Variants in C1orf35 observed in about 807,000 individuals in gnomAD.
C1orf35 encodes the protein chromosome 1 open reading frame 35.
C1orf35 carries 36 observed loss-of-function variants against 30.9 expected under a neutral mutation model. That is an observed-to-expected ratio of 1.16 (90% CI 0.89 to 1.54). C1orf35 has a LOEUF of 1.54. C1orf35 is among the 40% of genes most tolerant of loss of function. C1orf35 has a pLI of 0.00. For missense variants in C1orf35, 396 were observed against 358.7 expected, an observed-to-expected ratio of 1.10 and a Z score of -0.84; for synonymous variants, 179 against 148.2, an observed-to-expected ratio of 1.21 and a Z score of -1.51.
In C1orf35 at chr1:228,102,145, G is replaced by A. The variant is rs758352158; in HGVS notation, c.468C>T (p.Gly156=). Residue 156 remains glycine, a synonymous_variant, in exon 6 of 8, where the codon GGC becomes GGT. Transcript: ENST00000272139. ...SVFTHHRVES[G]GPGTSAASAR... is the part of the protein sequence containing the mutation. The stretch of plus-strand genomic sequence containing the variant: ...CCGAGGCTGCCGAGGTCCCGGGCCC[G>A]CCGCTCTCTACGCGGTGATGCTGCG... The A allele has an allele frequency of 5.7e-6, 9 of 1,584,432 alleles. No homozygotes were observed. The highest frequency in any genetic ancestry group is 2.2e-4 in the Middle Eastern group (1 of 4,594).
chr1:228,101,528 T>A (rs192475762), intron 6 of C1orf35, 55 bp from the exon 7 acceptor site: 5 of 1,600,288 alleles, frequency 3.1e-6, no homozygotes, highest in Non-Finnish European at 8.5e-7. Flanking sequence ...GCCAAGAGAG[T>A]GAACACAAGC....
Position 228,102,039 on chromosome 1 carries a change from C to T in C1orf35, c.533+41G>A. On this transcript the variant is annotated intron_variant, in intron 6 of 7. Transcript: ENST00000272139. ...AGCCGCTCCGGTCCTCCCGAGACCC[C>T]CCACCCCGGGGCACAGCTAGCCCAG... 4.7e-6 allele frequency: 7 copies of T among 1,494,158 alleles called. No individual in the cohort carries two copies. In the South Asian group the frequency reaches 9.0e-5, roughly 19 times the overall value. The allele number at this position is 1,494,158 out of a possible 1,614,324, so 92.6% of individuals were successfully genotyped here.
rs955445962 is a variant in C1orf35 at position 228,102,513 on chromosome 1, C to T, written c.339G>A (p.Lys113=). The stretch of plus-strand genomic sequence containing the variant: ...CCAGCCCCAGCAGCCGGTCCACGCC[C>T]TTCTCCTCGGGGTCGCCTCCTTCCC... ...CKREGGDPEE[K]GVDRLLGLGS... Residue 113 remains lysine (K), a synonymous_variant, in exon 4 of 8, where the codon AAG becomes AAA. Coordinates refer to ENST00000272139, the MANE Select transcript of C1orf35 (RefSeq NM_024319.4). The T allele has an allele frequency of 1.9e-6, 3 of 1,558,638 alleles. No homozygotes were observed. Among genetic ancestry groups the T allele is most frequent in the East Asian group, 2.4e-5 (1 of 41,674 alleles).
In C1orf35 at chr1:228,100,996, A is replaced by G; in HGVS notation, c.*135T>C. 2 of 1,321,144 alleles carry G rather than the reference A, an allele frequency of 1.5e-6. No individual in the cohort carries two copies. Among genetic ancestry groups the G allele is most frequent in the Non-Finnish European group, 2.1e-6 (2 of 962,952 alleles). The allele number at this position is 1,321,144 out of a possible 1,614,324, so 81.8% of individuals were successfully genotyped here. A position where few individuals can be genotyped will look rare whatever the true frequency, so the allele number is the denominator to read the frequency against. ...CTAGCTGTCAAGTCTTTAGCCCCAC[A>G]GGCTGGTGCCCAGAGCCACTTCCAC... On this transcript the variant is annotated 3_prime_UTR_variant, in exon 8 of 8. Coordinates refer to ENST00000272139, the MANE Select transcript of C1orf35 (RefSeq NM_024319.4).
chr1:228,102,177 G>A lies in C1orf35; in HGVS notation c.448-12C>T. 6.4e-7 allele frequency: 1 copy of A among 1,574,734 alleles called. No individual in the cohort carries two copies. The highest frequency in any genetic ancestry group is 1.3e-5 in the African/African-American group (1 of 74,544). On this transcript the variant is annotated splice_polypyrimidine_tract_variant and intron_variant, in intron 5 of 7. Coordinates refer to ENST00000272139, the MANE Select transcript of C1orf35 (RefSeq NM_024319.4). ...TCTACGCGGTGATGCTGCGGGAGAA[G>A]CGAGCTCTGCGGAGGAGTCTGCGGG...
chr1:228,102,914 G>T lies in C1orf35; in HGVS notation c.230C>A (p.Ala77Glu). 1 of 1,487,064 alleles carries T rather than the reference G, an allele frequency of 6.7e-7. No individual in the cohort carries two copies. Among genetic ancestry groups the T allele is most frequent in the Non-Finnish European group, 8.9e-7 (1 of 1,125,580 alleles). The allele number at this position is 1,487,064 out of a possible 1,614,324, so 92.1% of individuals were successfully genotyped here. The change falls in exon 2 of 8, where the codon GCG becomes GAG. Residue 77 changes from alanine (A) to glutamate (E), a missense_variant. Ala to Glu is a moderately radical substitution (Grantham distance 107). Coordinates refer to ENST00000272139, the MANE Select transcript of C1orf35 (RefSeq NM_024319.4). ...LAAVREAERE[A>E]LLAALGYKNV... ...GGACACTCACAGGGCGGCCAGCAGC[G>T]CCTCGCGCTCCGCCTCCCGCACGGC...
At position 228,102,630 on chromosome 1, in the gene C1orf35, C is replaced by T. The variant is rs772251124; in HGVS notation, c.291+13G>A. On this transcript the variant is annotated intron_variant, in intron 3 of 7. Coordinates refer to ENST00000272139, the MANE Select transcript of C1orf35 (RefSeq NM_024319.4). Reference sequence around the variant, plus strand: ...CCACGGCCCTCCACGCGCCCCCCACCCCGGGGAGTTACCTCCTTGCTCAGG... The same window carrying T: ...CCACGGCCCTCCACGCGCCCCCCACTCCGGGGAGTTACCTCCTTGCTCAGG... 11 of 1,600,540 alleles carry T rather than the reference C, an allele frequency of 6.9e-6. No homozygotes were observed. The highest frequency in any genetic ancestry group is 9.4e-6 in the Non-Finnish European group (11 of 1,175,526).
In C1orf35 at chr1:228,103,287, G is replaced by T. The variant is rs571684864; in HGVS notation, c.-60C>A. 5 of 1,578,190 alleles carry T rather than the reference G, an allele frequency of 3.2e-6. No individual in the cohort carries two copies. The highest frequency in any genetic ancestry group is 4.3e-6 in the Non-Finnish European group (5 of 1,163,090). ...TTGCAACCTGCAACCCGCAACCCGAGACCCGCTACCCACTACCGTCGGACC... is the reference window on the plus strand; with the variant it reads ...TTGCAACCTGCAACCCGCAACCCGATACCCGCTACCCACTACCGTCGGACC... On this transcript the variant is annotated 5_prime_UTR_variant, in exon 1 of 8. Coordinates refer to ENST00000272139, the MANE Select transcript of C1orf35 (RefSeq NM_024319.4).
intron 7 of C1orf35, 39 bp from the exon 8 acceptor site, chr1:228,101,293 C>T (rs1558090444): frequency 6.2e-7 from 1 of 1,614,142 alleles, no homozygotes; most frequent in African/African-American, 1.3e-5. Context: ...CGGAAGGAGT[C>T]AACCAGGCCC....
intron 6 of C1orf35, chr1:228,101,870 G>A: frequency 1.4e-6 from 2 of 1,419,094 alleles, no homozygotes; most frequent in Non-Finnish European, 1.8e-6. Context: ...CCCGACCACT[G>A]CCAGTACTTA....
Position 228,103,020 on chromosome 1 carries a change from A to T in C1orf35, c.124T>A (p.Trp42Arg). ...GNSLMAPVGRWQKGRDLTWYA... is the reference protein window; with the variant it reads ...GNSLMAPVGRRQKGRDLTWYA... Reference sequence around the variant, plus strand: ...CAGGTGAGGTCGCGGCCCTTCTGCCAGCGGCCTACCGGCGCCATCAGCGAG... The same window carrying T: ...CAGGTGAGGTCGCGGCCCTTCTGCCTGCGGCCTACCGGCGCCATCAGCGAG... The change falls in exon 2 of 8, where the codon TGG becomes AGG. Residue 42 changes from tryptophan to arginine, a missense_variant. Trp to Arg is a moderately radical substitution (Grantham distance 101). Coordinates refer to ENST00000272139, the MANE Select transcript of C1orf35 (RefSeq NM_024319.4). The T allele has an allele frequency of 6.3e-7, 1 of 1,584,628 alleles. No homozygotes were observed.
chr1:228,102,024 G>A, intron 6 of C1orf35, 56 bp downstream of exon 6: 4 of 1,463,750 alleles, frequency 2.7e-6, no homozygotes, highest in African/African-American at 1.4e-5. Flanking sequence ...AGCCGCTCCG[G>A]TCCTCCCGAG....
intron 6 of C1orf35, chr1:228,101,873 A>G (rs2032974117): frequency 7.1e-7 from 1 of 1,417,028 alleles, no homozygotes; most frequent in South Asian, 1.6e-5. Context: ...GACCACTGCC[A>G]GTACTTAGGA....
At chr1:228,101,827 C>T (rs2032973346) in intron 6 of C1orf35, 3 of 1,417,240 alleles carry the variant, frequency 2.1e-6, no homozygotes, top group Non-Finnish European at 2.7e-6. Flanking sequence ...AAGGCCCCGC[C>T]CCAGGTCCTG....
rs1460493191 is a variant in C1orf35 at position 228,103,064 on chromosome 1, G to T, written c.95-15C>A. The T allele has an allele frequency of 6.2e-7, 1 of 1,604,018 alleles. No individual in the cohort carries two copies. Among genetic ancestry groups the T allele is most frequent in the Non-Finnish European group, 8.5e-7 (1 of 1,176,224 alleles). On this transcript the variant is annotated splice_polypyrimidine_tract_variant and intron_variant, in intron 1 of 7. Coordinates refer to ENST00000272139, the MANE Select transcript of C1orf35 (RefSeq NM_024319.4). ...CAGCGAGTTGCCTGCGGACGTAGAC[G>T]CTGTGAGTCCAGCGCCCGCCCGGGA...
chr1:228,102,192 G>A lies in C1orf35; in HGVS notation c.448-27C>T, dbSNP rs558352129. 2.6e-6 allele frequency: 4 copies of A among 1,568,390 alleles called. No individual in the cohort carries two copies. The African/African-American group carries it at 4.0e-5, about 16-fold the overall frequency. On this transcript the variant is annotated intron_variant, in intron 5 of 7. Transcript: ENST00000272139. ...TGCGGGAGAAGCGAGCTCTGCGGAGGAGTCTGCGGGCCGGCCCCACACCAC... is the reference window on the plus strand; with the variant it reads ...TGCGGGAGAAGCGAGCTCTGCGGAGAAGTCTGCGGGCCGGCCCCACACCAC...
rs754727266 is a variant in C1orf35, at chr1:228,102,580, G to A, written c.292-20C>T. 1.9e-6 allele frequency: 3 copies of A among 1,572,496 alleles called. No individual in the cohort carries two copies. Among genetic ancestry groups the A allele is most frequent in the Non-Finnish European group, 1.7e-6 (2 of 1,162,494 alleles). ...GAAGTCCTGCAGGTGCGAGAGCACA[G>A]GGAGCGCTCGAGTCGGCCCCACACC... On this transcript the variant is annotated intron_variant, in intron 3 of 7. Transcript: ENST00000272139.
intron 3 of C1orf35, 24 bp from the exon 4 acceptor site, chr1:228,102,584 G>A: frequency 1.3e-6 from 2 of 1,575,402 alleles, no homozygotes; most frequent in African/African-American, 1.4e-5. Context: ...AGCACAGGGA[G>A]CGCTCGAGTC....
intron 6 of C1orf35, 36 bp downstream of exon 6, chr1:228,102,044 C>A: frequency 6.6e-7 from 1 of 1,507,194 alleles, no homozygotes; most frequent in Non-Finnish European, 8.8e-7. Flanking sequence ...GACCCCCCAC[C>A]CCGGGGCACA....
Sources: gnomAD v4.1 joint callset for allele counts on GRCh38, gnomAD v4.1.1 for gene constraint, MANE v1.5 for transcripts, NCBI Gene and HGNC (gene_info 2026-07-23, HGNC 2026-07-21) for gene names.